The following LITAFD variants were observed in gnomAD, a reference collection of about 807,000 sequenced individuals.
LITAFD encodes lITAF domain-containing protein.
In LITAFD at chr16:8,885,250, G is replaced by A. The variant is rs142523095; in HGVS notation, c.174G>A (p.Ser58=). ...GGAGCCTAATGGACGTGAAGCACTC[G>A]TGTCCCGTGTGTCAGCGCGAGCTCT... The change falls in exon 4 of 4, where the codon TCG becomes TCA. Residue 58 remains serine, a synonymous_variant. Coordinates refer to ENST00000636296, the Ensembl canonical transcript of LITAFD. 40 of 399,116 alleles carry A rather than the reference G, an allele frequency of 1.0e-4. No individual in the cohort carries two copies. In the East Asian group the frequency reaches 1.3e-3, roughly 13 times the overall value. The allele number at this position is 399,116 out of a possible 1,614,324, so 24.7% of individuals were successfully genotyped here.
At chr16:8,883,233 C>G (rs2061549822) in exon 2 of LITAFD, 1 of 152,334 alleles carries the variant, frequency 6.6e-6, no homozygotes, top group African/African-American at 2.4e-5. Flanking sequence ...TGGTCCCCCT[C>G]CTCCCTATGG....
exon 4 of LITAFD, chr16:8,885,335 AC>A (rs150523937): frequency 0.013 from 5,332 of 398,888 alleles, 120 homozygotes; most frequent in East Asian, 0.074. Context: ...ACCTGGGCAC[AC>A]CCGTGTCTAT....
intron 1 of LITAFD, among the ~76,000 whole-genome samples, chr16:8,883,008 G>T (rs2061548644): frequency 6.6e-6 from 1 of 152,074 alleles, no homozygotes; most frequent in Non-Finnish European, 1.5e-5. Flanking sequence ...GCTAATTTTT[G>T]TATTTGTAGT....
At chr16:8,884,927 T>A (rs553053407) in intron 3 of LITAFD, among the ~76,000 whole-genome samples, 26 of 152,218 alleles carry the variant, frequency 1.7e-4, no homozygotes, top group African/African-American at 6.3e-4. Context: ...TCTAACTCTA[T>A]TAAAAATACA....
intron 3 of LITAFD, 35 bp downstream of exon 3, chr16:8,884,500 G>A (rs1596338911): frequency 3.4e-6 from 1 of 295,900 alleles, no homozygotes; most frequent in Non-Finnish European, 6.2e-6. Context: ...GCAGAGGCCT[G>A]AGCATTGGTA....
chr16:8,882,722 C>A (rs1196364389), intron 1 of LITAFD: 1 of 152,252 alleles, frequency 6.6e-6, no homozygotes, highest in South Asian at 2.1e-4. Context: ...GGGCTTTCAA[C>A]GTGCTGTACT....
chr16:8,884,279 G>A (rs779398177), intron 2 of LITAFD, 44 bp from the exon 3 acceptor site: 21 of 398,600 alleles, frequency 5.3e-5, no homozygotes, highest in Middle Eastern at 1.2e-3. Context: ...CAGGGGTCCT[G>A]GCCCCGGGGG....
At chr16:8,883,417 C>G (rs1189178987) in intron 2 of LITAFD, 131 bp downstream of exon 2, 1 of 152,392 alleles carries the variant, frequency 6.6e-6, no homozygotes, top group Non-Finnish European at 1.5e-5. Flanking sequence ...AAGTTCTCCT[C>G]CCCTGACCCC....
At chr16:8,882,957 T>A (rs1417067209) in intron 1 of LITAFD, among the ~76,000 whole-genome samples, 1 of 152,188 alleles carries the variant, frequency 6.6e-6, no homozygotes, top group Admixed American at 6.5e-5. Context: ...TGCCTCGGCA[T>A]CCCGAGTAGC....
intron 2 of LITAFD, 66 bp from the exon 3 acceptor site, chr16:8,884,257 A>C: frequency 1.0e-5 from 4 of 394,712 alleles, no homozygotes; most frequent in Non-Finnish European, 1.3e-5. Context: ...GCCCATGGGA[A>C]TTGAGAAGCC....
At chr16:8,883,105 G>T (rs529935828) in intron 1 of LITAFD, 105 bp from the exon 2 acceptor site, 1 of 152,334 alleles carries the variant, frequency 6.6e-6, no homozygotes, top group Admixed American at 6.5e-5. Flanking sequence ...AAAGTGTTGG[G>T]ATTACAGGTG....
chr16:8,884,732 C>G (rs1267231853), intron 3 of LITAFD, among the ~76,000 whole-genome samples: 1 of 152,156 alleles, frequency 6.6e-6, no homozygotes, highest in Non-Finnish European at 1.5e-5. Context: ...CTGCTGTCAC[C>G]AGCAGCCAAG....
intron 2 of LITAFD, among the ~76,000 whole-genome samples, chr16:8,883,602 C>T (rs1567197151): frequency 6.6e-6 from 1 of 152,010 alleles, no homozygotes; most frequent in Non-Finnish European, 1.5e-5. Context: ...TCTGCAAACA[C>T]ACCACCCCTC....
intron 3 of LITAFD, 118 bp from the exon 4 acceptor site, chr16:8,885,069 T>C: frequency 2.5e-6 from 1 of 399,160 alleles, no homozygotes; most frequent in Non-Finnish European, 4.4e-6. Context: ...TGAGACTCTG[T>C]CTCAAACATA....
intron 1 of LITAFD, 95 bp from the exon 2 acceptor site, chr16:8,883,115 G>T (rs764219271): frequency 1.3e-5 from 2 of 152,168 alleles, no homozygotes; most frequent in African/African-American, 4.8e-5. Context: ...GATTACAGGT[G>T]TGAGCCACTG....
intron 3 of LITAFD, 137 bp downstream of exon 3, chr16:8,884,602 A>G (rs1025456084): frequency 1.8e-5 from 7 of 397,080 alleles, no homozygotes; most frequent in East Asian, 7.1e-5. Flanking sequence ...GGGTGGGGCC[A>G]TTACCTCCTT....
intron 1 of LITAFD, chr16:8,882,929 T>G (rs1718429772): frequency 6.6e-6 from 1 of 152,152 alleles, no homozygotes; most frequent in Non-Finnish European, 1.5e-5. Flanking sequence ...TCAGAATCTG[T>G]TTTCCAAGTG....
chr16:8,884,284 C>G, intron 2 of LITAFD, 39 bp from the exon 3 acceptor site: 2 of 398,760 alleles, frequency 5.0e-6, no homozygotes, highest in Non-Finnish European at 8.9e-6. Context: ...GTCCTGGCCC[C>G]GGGGGGTCCC....
At chr16:8,883,427 C>G (rs143877919) in intron 2 of LITAFD, 141 bp downstream of exon 2, 1 of 152,548 alleles carries the variant, frequency 6.6e-6, no homozygotes, top group Non-Finnish European at 1.5e-5. Context: ...CCCCTGACCC[C>G]GTAGCTGTGG....
Sources: allele counts gnomAD v4.1 joint callset (sites outside exome capture counted in the v4.1 genomes callset), GRCh38; gene constraint gnomAD v4.1.1; transcripts MANE v1.5; gene names NCBI Gene and HGNC (gene_info 2026-07-23, HGNC 2026-07-21).